Variants in AGTPBP1 observed in about 807,000 individuals in gnomAD.
AGTPBP1 encodes cytosolic carboxypeptidase 1.
AGTPBP1 carries 70 observed loss-of-function variants against 143.9 expected under a neutral mutation model. That is an observed-to-expected ratio of 0.49 (90% confidence interval 0.40 to 0.59). The LOEUF (loss-of-function observed/expected upper bound fraction) is 0.59, where lower values mean the gene tolerates loss of function less well. Ranked by LOEUF, AGTPBP1 falls within the 20% of genes least tolerant of loss-of-function variation. AGTPBP1 has a pLI of 0.00. For synonymous variants in AGTPBP1, 463 were observed against 500.2 expected (o/e 0.93, Z 0.99); for missense variants, 1,229 against 1,464.5 (o/e 0.84, Z 2.62).
intron 17 of AGTPBP1, among the ~76,000 whole-genome samples, chr9:85,609,290 C>CT (rs71370873): frequency 0.12 from 15,967 of 134,176 alleles, 1,131 homozygotes; most frequent in African/African-American, 0.19. Flanking sequence ...GTGTACAGAT[C>CT]TTTTTTTTTT....
the AGTPBP1 span, among the ~76,000 whole-genome samples, chr9:85,750,543 T>C: frequency 6.6e-6 from 1 of 152,312 alleles, no homozygotes; most frequent in Non-Finnish European, 1.5e-5. Flanking sequence ...TTAAATACTT[T>C]TCAGGTCTTT....
At chr9:85,549,039 T>C (rs764375259) in intron 25 of AGTPBP1, among the ~76,000 whole-genome samples, 1 of 152,206 alleles carries the variant, frequency 6.6e-6, no homozygotes, top group Non-Finnish European at 1.5e-5. Context: ...TTCTTCCTCC[T>C]TGAGTTTGTA....
At chr9:85,597,426 A>C (rs1829366115) in intron 17 of AGTPBP1, among the ~76,000 whole-genome samples, 1 of 152,062 alleles carries the variant, frequency 6.6e-6, no homozygotes, top group East Asian at 1.9e-4. Context: ...CCTCAAAAAA[A>C]TTATGCCGAA....
At chr9:85,596,487 A>G in intron 17 of AGTPBP1, 38 bp from the exon 18 acceptor site, 2 of 1,371,946 alleles carry the variant, frequency 1.5e-6, no homozygotes, top group Non-Finnish European at 2.0e-6. Context: ...AATTATTTTC[A>G]TAATTTTTCA....
the AGTPBP1 span, among the ~76,000 whole-genome samples, chr9:85,762,422 C>G: frequency 6.6e-6 from 1 of 152,112 alleles, no homozygotes; most frequent in Non-Finnish European, 1.5e-5. Flanking sequence ...ACATATACAC[C>G]ATGGAATACT....
At chr9:85,745,856 T>C (rs1210568885), upstream of AGTPBP1, among the ~76,000 whole-genome samples, 3 of 152,172 alleles carry the variant, frequency 2.0e-5, no homozygotes, top group African/African-American at 7.2e-5. Context: ...GGCTTTTCTC[T>C]TTAATGAAAA....
At chr9:85,652,748 AG>A (rs1453815875) in intron 11 of AGTPBP1, among the ~76,000 whole-genome samples, 1 of 152,198 alleles carries the variant, frequency 6.6e-6, no homozygotes, top group African/African-American at 2.4e-5. Flanking sequence ...ATCAAACTTC[AG>A]GAACAGGTTG....
At chr9:85,553,328 A>C (rs1031896212) in intron 25 of AGTPBP1, among the ~76,000 whole-genome samples, 1 of 152,242 alleles carries the variant, frequency 6.6e-6, no homozygotes, top group Admixed American at 6.5e-5. Context: ...TGACTTTACA[A>C]TGGTGCAAAA....
At chr9:85,670,455 G>C (rs1472014706) in intron 7 of AGTPBP1, among the ~76,000 whole-genome samples, 2 of 152,158 alleles carry the variant, frequency 1.3e-5, no homozygotes, top group Non-Finnish European at 2.9e-5. Context: ...TTTAATTAAA[G>C]CAAGTGTAGC....
intron 2 of AGTPBP1, among the ~76,000 whole-genome samples, chr9:85,695,266 G>A (rs1255599233): frequency 6.6e-6 from 1 of 152,142 alleles, no homozygotes; most frequent in Admixed American, 6.5e-5. Context: ...CTACTTTCCT[G>A]TGAGAGCCTC....
At position 85,741,931 on chromosome 9, in the gene AGTPBP1, G is replaced by T; in HGVS notation, c.-190C>A. 2 of 1,315,304 alleles carry T rather than the reference G, an allele frequency of 1.5e-6. No homozygotes were observed. Among genetic ancestry groups the T allele is most frequent in the East Asian group, 3.1e-5 (1 of 31,820 alleles). The allele number at this position is 1,315,304 out of a possible 1,614,324, so 81.5% of individuals were successfully genotyped here. Reference sequence around the variant, plus strand: ...GGCGGCGGCGGCGGCAGCTGCGGCGGCGGCGCTGGAGGCGGCGGAACCTGT... The same window carrying T: ...GGCGGCGGCGGCGGCAGCTGCGGCGTCGGCGCTGGAGGCGGCGGAACCTGT... On this transcript the variant is annotated 5_prime_UTR_variant, in exon 1 of 26. Transcript: ENST00000357081.
chr9:85,567,419 C>T (rs749964189), intron 25 of AGTPBP1, among the ~76,000 whole-genome samples: 8 of 151,986 alleles, frequency 5.3e-5, no homozygotes, highest in African/African-American at 9.7e-5. Context: ...GGTGAAGCCC[C>T]GTATCTACTA....
the AGTPBP1 span, among the ~76,000 whole-genome samples, chr9:85,797,409 G>T: frequency 2.0e-5 from 3 of 152,134 alleles, no homozygotes; most frequent in Admixed American, 6.5e-5. Flanking sequence ...ACACCTGGTG[G>T]TTGCTTAGTT....
chr9:85,570,160 T>C (rs1827370613), intron 25 of AGTPBP1, among the ~76,000 whole-genome samples: 1 of 152,184 alleles, frequency 6.6e-6, no homozygotes, highest in Admixed American at 6.5e-5. Context: ...AGAGTGTCTA[T>C]AGTGTGGCTA....
intron 13 of AGTPBP1, among the ~76,000 whole-genome samples, chr9:85,636,504 C>A (rs897573676): frequency 6.6e-6 from 1 of 152,026 alleles, no homozygotes. Context: ...GTGATCCCCC[C>A]TCTTGGCCTC....
chr9:85,661,153 T>C lies in AGTPBP1; in HGVS notation c.663-180A>G, dbSNP rs10868336. 0.058 allele frequency among the ~76,000 whole-genome samples: 8,765 copies of C among 152,128 alleles called. 341 individuals are homozygous for C. The highest frequency in any genetic ancestry group is 0.085 in the Non-Finnish European group (5,800 of 67,942). The stretch of plus-strand genomic sequence containing the variant: ...ATGCATCTCTCTCTTCAGCTTAAAA[T>C]TGGATATGAAAAAGATTGAAATATC... On this transcript the variant is annotated intron_variant, in intron 8 of 25. Transcript: ENST00000357081.
intron 2 of AGTPBP1, among the ~76,000 whole-genome samples, chr9:85,704,166 A>G (rs1053032048): frequency 6.6e-6 from 1 of 152,200 alleles, no homozygotes; most frequent in Non-Finnish European, 1.5e-5. Flanking sequence ...AGGTAATGTA[A>G]GAAAGCAGAA....
At chr9:85,697,451 T>G (rs866820195) in intron 2 of AGTPBP1, among the ~76,000 whole-genome samples, 5 of 126,706 alleles carry the variant, frequency 3.9e-5, no homozygotes, top group South Asian at 2.9e-4. Context: ...TTTTGTTTTT[T>G]TTTTTTTTTT....
At chr9:85,677,741 G>A (rs964650038) in intron 5 of AGTPBP1, among the ~76,000 whole-genome samples, 159 bp from the exon 6 acceptor site, 2 of 152,070 alleles carry the variant, frequency 1.3e-5, no homozygotes, top group African/African-American at 2.4e-5. Flanking sequence ...AGTAGCTCAC[G>A]CCTGTAATCA....
Sources: gnomAD v4.1 joint callset for allele counts (sites outside exome capture counted in the v4.1 genomes callset) on GRCh38, gnomAD v4.1.1 for gene constraint, MANE v1.5 for transcripts, NCBI Gene and HGNC (gene_info 2026-07-23, HGNC 2026-07-21) for gene names.